SUGCT: variants seen among roughly 807,000 people sequenced by gnomAD.
The protein encoded by SUGCT is succinyl-CoA:glutarate CoA-transferase.
A neutral mutation model predicts 55.0 loss-of-function variants in SUGCT; 41 were observed. The observed-to-expected ratio is 0.74, with a 90% CI of 0.58 to 0.97. The LOEUF is 0.97. Among genes scored for constraint, SUGCT ranks in the 50% least tolerant of loss-of-function variants. The pLI, the probability that SUGCT is intolerant of heterozygous loss-of-function variation, is 0.00. For synonymous variants in SUGCT, 187 were observed against 200.4 expected (o/e 0.93, Z 0.56); for missense variants, 568 against 547.8 (o/e 1.04, Z -0.37).
chr7:40,675,087 G>A (rs1307179187), intron 12 of SUGCT, among the ~76,000 whole-genome samples: 1 of 146,408 alleles, frequency 6.8e-6, no homozygotes, highest in Non-Finnish European at 1.5e-5. Flanking sequence ...TTGAGACAGA[G>A]TTTCACTCTG....
At chr7:40,324,250 TA>T (rs1347712256) in intron 9 of SUGCT, among the ~76,000 whole-genome samples, 1 of 113,086 alleles carries the variant, frequency 8.8e-6, no homozygotes, top group Non-Finnish European at 1.8e-5. Context: ...AATAAATAAA[TA>T]AATATATATA....
At chr7:40,908,634 C>T in the SUGCT span, among the ~76,000 whole-genome samples, 1 of 151,922 alleles carries the variant, frequency 6.6e-6, no homozygotes, top group African/African-American at 2.4e-5. Flanking sequence ...TTTCCTTAAC[C>T]TAGGAATTTG....
chr7:40,273,603 T>C (rs1020764061), intron 7 of SUGCT, among the ~76,000 whole-genome samples: 3 of 152,202 alleles, frequency 2.0e-5, no homozygotes, highest in Admixed American at 6.5e-5. Context: ...AGGATTGGAT[T>C]GTCAAATCAG....
At chr7:40,386,031 A>C (rs1785107042) in intron 9 of SUGCT, among the ~76,000 whole-genome samples, 1 of 152,212 alleles carries the variant, frequency 6.6e-6, no homozygotes, top group Non-Finnish European at 1.5e-5. Flanking sequence ...TTTTACACAC[A>C]AAGAAGTAAG....
the SUGCT span, among the ~76,000 whole-genome samples, chr7:40,910,752 A>G: frequency 3.9e-5 from 6 of 152,228 alleles, no homozygotes; most frequent in Non-Finnish European, 7.3e-5. Flanking sequence ...CAGGAAGCAC[A>G]CTTACTATAC....
chr7:40,856,262 G>A (rs1417173679), intron 13 of SUGCT, among the ~76,000 whole-genome samples: 1 of 152,078 alleles, frequency 6.6e-6, no homozygotes, highest in Non-Finnish European at 1.5e-5. Context: ...TTCATATGAA[G>A]TTTTTTTGTT....
intron 7 of SUGCT, among the ~76,000 whole-genome samples, chr7:40,242,265 C>G (rs1389555646): frequency 6.6e-6 from 1 of 151,926 alleles, no homozygotes; most frequent in Non-Finnish European, 1.5e-5. Context: ...CCTCCACCTC[C>G]TGGGTTCAAG....
intron 1 of SUGCT, among the ~76,000 whole-genome samples, chr7:40,142,312 C>T (rs1036125215): frequency 3.9e-5 from 6 of 152,194 alleles, no homozygotes; most frequent in Admixed American, 3.9e-4. Flanking sequence ...CAAACTGATT[C>T]TTTGAAGAGA....
chr7:40,321,817 T>C (rs1447884296), intron 9 of SUGCT, among the ~76,000 whole-genome samples: 1 of 152,228 alleles, frequency 6.6e-6, no homozygotes, highest in East Asian at 1.9e-4. Flanking sequence ...CACATTTTCT[T>C]TATCCAGTCC....
rs868386371 is a variant in SUGCT at position 40,703,119 on chromosome 7, C to G, written c.1090-46315C>G. On this transcript the variant is annotated intron_variant, in intron 12 of 13. Coordinates refer to ENST00000335693, the MANE Select transcript of SUGCT (RefSeq NM_001193313.2). Reference sequence around the variant, plus strand: ...CACTCTTGTTGCCCAGGCTGGAGTGCCAGGGCGCGATCTCAGCTCACTGCA... The same window carrying G: ...CACTCTTGTTGCCCAGGCTGGAGTGGCAGGGCGCGATCTCAGCTCACTGCA... Among the ~76,000 whole-genome samples, 211 of 145,906 alleles carry G rather than the reference C, an allele frequency of 1.4e-3. 1 individual carries two copies. Among genetic ancestry groups the G allele is most frequent in the African/African-American group, 5.2e-3 (205 of 39,578 alleles).
intron 12 of SUGCT, among the ~76,000 whole-genome samples, chr7:40,578,539 C>T (rs1254059600): frequency 6.6e-6 from 1 of 152,122 alleles, no homozygotes; most frequent in Admixed American, 6.6e-5. Context: ...ACTAGCTATT[C>T]CTTCACCTGG....
chr7:40,764,186 T>C (rs1267835615), intron 13 of SUGCT, among the ~76,000 whole-genome samples: 1 of 152,202 alleles, frequency 6.6e-6, no homozygotes, highest in Non-Finnish European at 1.5e-5. Context: ...AGTTCCCAAA[T>C]ATGAGCATGG....
intron 12 of SUGCT, among the ~76,000 whole-genome samples, chr7:40,739,354 T>C (rs1278816192): frequency 6.6e-6 from 1 of 152,346 alleles, no homozygotes; most frequent in East Asian, 1.9e-4. Flanking sequence ...TACTATGTAA[T>C]CTTTTGGATT....
At chr7:40,810,071 A>C (rs1791325781) in intron 13 of SUGCT, among the ~76,000 whole-genome samples, 1 of 152,070 alleles carries the variant, frequency 6.6e-6, no homozygotes, top group East Asian at 1.9e-4. Flanking sequence ...GCTATTGTGA[A>C]TAGTTCTGTG....
chr7:40,601,094 G>A (rs1404077558), intron 12 of SUGCT, among the ~76,000 whole-genome samples: 1 of 152,144 alleles, frequency 6.6e-6, no homozygotes, highest in African/African-American at 2.4e-5. Flanking sequence ...ACTGCTTATG[G>A]TAGTAGGCAA....
the SUGCT span, among the ~76,000 whole-genome samples, chr7:41,028,922 A>G: frequency 6.6e-6 from 1 of 152,300 alleles, no homozygotes; most frequent in East Asian, 1.9e-4. Context: ...TTAAGTGTTC[A>G]GCTCTCGGCA....
the SUGCT span, among the ~76,000 whole-genome samples, chr7:41,008,106 A>G: frequency 2.6e-5 from 4 of 152,336 alleles, no homozygotes; most frequent in East Asian, 7.7e-4. Context: ...CCCCTCCCGT[A>G]GACCCAGCTT....
At chr7:40,901,929 G>A in the SUGCT span, among the ~76,000 whole-genome samples, 4 of 152,138 alleles carry the variant, frequency 2.6e-5, no homozygotes, top group African/African-American at 4.8e-5. Context: ...GGAGCCTTGC[G>A]GTGCACATCC....
the SUGCT span, among the ~76,000 whole-genome samples, chr7:40,938,829 G>A: frequency 2.6e-5 from 4 of 151,970 alleles, no homozygotes; most frequent in African/African-American, 9.7e-5. Context: ...TTCCATCCAA[G>A]TTCCTGCAAA....
Sources: allele counts gnomAD v4.1 joint callset (sites outside exome capture counted in the v4.1 genomes callset), GRCh38; gene constraint gnomAD v4.1.1; transcripts MANE v1.5; gene names NCBI Gene and HGNC (gene_info 2026-07-23, HGNC 2026-07-21).